FOXP1: variants seen among roughly 807,000 people sequenced by gnomAD.
FOXP1 encodes the protein forkhead box protein P1.
A neutral mutation model predicts 98.2 loss-of-function variants in FOXP1; 15 were observed. That is an observed-to-expected ratio of 0.15 (90% CI 0.10 to 0.24). The LOEUF (loss-of-function observed/expected upper bound fraction) is 0.24. Among genes scored for constraint, FOXP1 ranks in the 10% least tolerant of loss-of-function variants. The probability of loss-of-function intolerance (pLI) is 1.00; values close to 1 mark genes in which losing one functional copy is unlikely to be tolerated. For synonymous variants in FOXP1, 371 were observed against 314.5 expected (o/e 1.18, Z -1.90); for missense variants, 633 against 848.5 (o/e 0.75, Z 3.15).
chr3:71,366,873 ATAC>A (rs1560378126), intron 3 of FOXP1, among the ~76,000 whole-genome samples: 1 of 152,230 alleles, frequency 6.6e-6, no homozygotes, highest in Non-Finnish European at 1.5e-5. Flanking sequence ...TTAAATTTTC[ATAC>A]TTTAAGCCTT....
intron 4 of FOXP1, among the ~76,000 whole-genome samples, chr3:71,311,523 T>C (rs1455834362): frequency 6.6e-6 from 1 of 152,228 alleles, no homozygotes; most frequent in Non-Finnish European, 1.5e-5. Context: ...AGCTACTCTG[T>C]TCCTACTGTT....
chr3:71,313,170 C>T (rs2074824153), intron 4 of FOXP1, among the ~76,000 whole-genome samples: 1 of 150,784 alleles, frequency 6.6e-6, no homozygotes, highest in Non-Finnish European at 1.5e-5. Context: ...TGCCATTCTC[C>T]TGCCTCAGCC....
At chr3:71,033,714 T>TGATAC (rs2047195840) in intron 11 of FOXP1, among the ~76,000 whole-genome samples, 1 of 151,628 alleles carries the variant, frequency 6.6e-6, no homozygotes, top group African/African-American at 2.4e-5. Flanking sequence ...TGACAGGCGG[T>TGATAC]GATACGGCAC....
At chr3:71,409,822 TG>T (rs1243051822) in intron 3 of FOXP1, among the ~76,000 whole-genome samples, 2 of 152,170 alleles carry the variant, frequency 1.3e-5, no homozygotes, top group African/African-American at 2.4e-5. Context: ...GAGACCAGCC[TG>T]GGCAACATGG....
chr3:71,579,721 C>T (rs2107873462), intron 2 of FOXP1, among the ~76,000 whole-genome samples: 1 of 145,910 alleles, frequency 6.9e-6, no homozygotes, highest in East Asian at 2.0e-4. Flanking sequence ...CTTCTAAACT[C>T]AATGTGAGAA....
chr3:70,960,917 CTG>C, intron 20 of FOXP1, among the ~76,000 whole-genome samples: 1 of 150,322 alleles, frequency 6.7e-6, no homozygotes, highest in South Asian at 2.1e-4. Context: ...TCTTGGCTCA[CTG>C]CAAGCTCCGC....
intron 5 of FOXP1, among the ~76,000 whole-genome samples, chr3:71,237,749 A>G (rs1405133489): frequency 6.6e-6 from 1 of 152,214 alleles, no homozygotes; most frequent in East Asian, 1.9e-4. Context: ...ATATGTGTAA[A>G]CACATATGGA....
intron 3 of FOXP1, among the ~76,000 whole-genome samples, chr3:71,378,950 G>T (rs1262184662): frequency 6.6e-6 from 1 of 152,124 alleles, no homozygotes; most frequent in African/African-American, 2.4e-5. Context: ...TCAGAAAAAG[G>T]AAAGAGGGTC....
chr3:71,278,214 C>T lies in FOXP1; in HGVS notation c.-12+21606G>A, dbSNP rs574614436. ...TAAGCAGGGCCTGACACACAGCAAA[C>T]GTTCAATAATTAGCTACTGTCATCA... On this transcript the variant is annotated intron_variant, in intron 5 of 20. Coordinates refer to ENST00000649528, the MANE Select transcript of FOXP1 (RefSeq NM_001349338.3). 3.9e-5 allele frequency among the ~76,000 whole-genome samples: 6 copies of T among 152,258 alleles called. No homozygotes were observed. In the East Asian group the frequency reaches 7.7e-4, roughly 20 times the overall value.
intron 3 of FOXP1, among the ~76,000 whole-genome samples, chr3:71,465,620 G>T (rs2088628009): frequency 6.6e-6 from 1 of 152,150 alleles, no homozygotes; most frequent in Admixed American, 6.5e-5. Flanking sequence ...ACAAGGGCAG[G>T]GTCCGTGCTT....
At chr3:71,367,137 T>C (rs564674730) in intron 3 of FOXP1, among the ~76,000 whole-genome samples, 1 of 152,280 alleles carries the variant, frequency 6.6e-6, no homozygotes, top group African/African-American at 2.4e-5. Context: ...GAAGCTGGGA[T>C]GGTAAGCTCC....
At chr3:71,134,414 G>A (rs1408152975) in intron 6 of FOXP1, among the ~76,000 whole-genome samples, 1 of 152,080 alleles carries the variant, frequency 6.6e-6, no homozygotes, top group African/African-American at 2.4e-5. Context: ...ATTAACAAAA[G>A]GAAACCCACA....
chr3:71,005,331 A>AAG (rs1039820217), intron 12 of FOXP1, among the ~76,000 whole-genome samples: 1 of 149,466 alleles, frequency 6.7e-6, no homozygotes, highest in South Asian at 2.1e-4. Context: ...AAAAAAAAAA[A>AAG]AAAAAAAAAA....
chr3:71,420,073 T>C (rs556935625), intron 3 of FOXP1, among the ~76,000 whole-genome samples: 33 of 152,148 alleles, frequency 2.2e-4, no homozygotes, highest in Non-Finnish European at 4.4e-4. Context: ...CCTCCCAAAG[T>C]GTTGGGAGCC....
At chr3:71,578,909 T>C (rs1404841589) in intron 2 of FOXP1, among the ~76,000 whole-genome samples, 2 of 152,242 alleles carry the variant, frequency 1.3e-5, no homozygotes. Flanking sequence ...AGAAAATATT[T>C]ATAGCGTTTT....
intron 7 of FOXP1, among the ~76,000 whole-genome samples, chr3:71,107,542 T>G (rs2057540008): frequency 6.6e-6 from 1 of 152,176 alleles, no homozygotes; most frequent in African/African-American, 2.4e-5. Context: ...ATATCAAAAT[T>G]TCAATGCTTT....
intron 3 of FOXP1, among the ~76,000 whole-genome samples, chr3:71,462,603 G>A (rs1005608846): frequency 1.3e-5 from 2 of 152,154 alleles, no homozygotes; most frequent in African/African-American, 4.8e-5. Flanking sequence ...TTCACCAGGT[G>A]TCTTCAGCCA....
chr3:71,099,354 T>TA (rs2056758088), intron 7 of FOXP1, among the ~76,000 whole-genome samples: 1 of 152,054 alleles, frequency 6.6e-6, no homozygotes, highest in East Asian at 1.9e-4. Flanking sequence ...CTACTAAAAA[T>TA]ATAAAAAATT....
rs1471614516 is a variant in FOXP1 at position 71,397,094 on chromosome 3, A to G, written c.-167-37850T>C. Among the ~76,000 whole-genome samples, 4 of 135,186 alleles carry G rather than the reference A, an allele frequency of 3.0e-5. No individual in the cohort carries two copies. The South Asian group carries it at 6.6e-4, about 22-fold the overall frequency. The allele number at this position is 135,186 out of a possible 152,430, so 88.7% of individuals were successfully genotyped here. A position where few individuals can be genotyped will look rare whatever the true frequency, so the allele number is the denominator to read the frequency against. On this transcript the variant is annotated intron_variant, in intron 3 of 20. Transcript: ENST00000649528. The stretch of plus-strand genomic sequence containing the variant: ...TATATACATATATATGTGTATATAT[A>G]TATATACATATATATATATGTGTAT...
Sources: gnomAD v4.1 joint callset for allele counts (sites outside exome capture counted in the v4.1 genomes callset) on GRCh38, gnomAD v4.1.1 for gene constraint, MANE v1.5 for transcripts, NCBI Gene and HGNC (gene_info 2026-07-23, HGNC 2026-07-21) for gene names.